CCDC171: variants seen among roughly 807,000 people sequenced by gnomAD.
The protein encoded by CCDC171 is coiled-coil domain-containing protein 171.
Under a neutral mutation model 168.2 loss-of-function variants are expected in CCDC171, and 177 were observed. The observed-to-expected ratio is 1.05, with a 90% CI of 0.93 to 1.19. CCDC171 has a LOEUF of 1.19. CCDC171 is among the 50% of genes most tolerant of loss of function. The pLI is 0.00. For synonymous variants in CCDC171, 687 were observed against 540.8 expected, an observed-to-expected ratio of 1.27 and a Z score of -3.75; for missense variants, 1,991 against 1,539.0, an observed-to-expected ratio of 1.29 and a Z score of -4.91.
rs567242123 is a variant in CCDC171, at chr9:16,054,601, T to TAG, written n.90-6042_90-6041dup. 4.4e-4 allele frequency among the ~76,000 whole-genome samples: 67 copies of TAG among 152,324 alleles called. 3 individuals carry two copies. The East Asian group carries it at 0.013, about 29-fold the overall frequency. The stretch of plus-strand genomic sequence containing the variant: ...TGACAGGCCTCCTACCTGTCTGGAA[T>TAG]AGAGCCAGGGGGAGGACTTAACATG... On this transcript the variant is annotated intron_variant and non_coding_transcript_variant, in intron 1 of 1. Coordinates refer to the CCDC171 transcript ENST00000478913.
chr9:15,930,966 A>G (rs1207167458), intron 25 of CCDC171, among the ~76,000 whole-genome samples: 1 of 151,632 alleles, frequency 6.6e-6, no homozygotes, highest in East Asian at 1.9e-4. Context: ...TGTGGTGAGA[A>G]CATTCAAAGC....
downstream of CCDC171, among the ~76,000 whole-genome samples, chr9:15,978,308 A>G (rs1831683501): frequency 1.3e-5 from 2 of 152,208 alleles, no homozygotes; most frequent in East Asian, 1.9e-4. Context: ...CACAGTCACA[A>G]TTAAAAGTGC....
chr9:16,011,364 A>G (rs1832863474), intron 3 of CCDC171, among the ~76,000 whole-genome samples: 2 of 152,322 alleles, frequency 1.3e-5, no homozygotes, highest in South Asian at 4.1e-4. Context: ...GCTGGAATGA[A>G]AGATGCAATC....
At chr9:15,996,087 A>C (rs992583572) in intron 3 of CCDC171, among the ~76,000 whole-genome samples, 1 of 152,190 alleles carries the variant, frequency 6.6e-6, no homozygotes, top group Non-Finnish European at 1.5e-5. Flanking sequence ...AGTTTCTCCA[A>C]CAATTGACTT....
At chr9:15,912,413 T>C (rs191333376) in intron 24 of CCDC171, among the ~76,000 whole-genome samples, 1 of 152,346 alleles carries the variant, frequency 6.6e-6, no homozygotes, top group East Asian at 1.9e-4. Flanking sequence ...CCAGAGACTT[T>C]GCTAAAGTTG....
intron 10 of CCDC171, among the ~76,000 whole-genome samples, chr9:15,685,504 G>T (rs895353872): frequency 6.6e-6 from 1 of 152,006 alleles, no homozygotes; most frequent in Non-Finnish European, 1.5e-5. Flanking sequence ...GCGTGGTGAC[G>T]TGTGCCTGTA....
intron 23 of CCDC171, 135 bp downstream of exon 23, chr9:15,849,082 T>G: frequency 1.9e-6 from 1 of 516,400 alleles, no homozygotes; most frequent in Non-Finnish European, 3.4e-6. Flanking sequence ...TGTAGATGAC[T>G]GGAAATTTCC....
chr9:15,854,250 T>G (rs1035919433), intron 23 of CCDC171, among the ~76,000 whole-genome samples: 10 of 151,428 alleles, frequency 6.6e-5, no homozygotes, highest in African/African-American at 2.4e-4. Flanking sequence ...TATCTGGAAG[T>G]TTTTTGATAC....
At chr9:15,873,959 C>A (rs568824455) in intron 23 of CCDC171, among the ~76,000 whole-genome samples, 2 of 152,152 alleles carry the variant, frequency 1.3e-5, no homozygotes, top group African/African-American at 4.8e-5. Context: ...CATTAAGACT[C>A]AAGTTTAATA....
the CCDC171 span, among the ~76,000 whole-genome samples, chr9:16,091,756 C>T: frequency 6.6e-6 from 1 of 152,164 alleles, no homozygotes; most frequent in Non-Finnish European, 1.5e-5. Flanking sequence ...GGTAGAGTAC[C>T]TTGGATGCAT....
chr9:15,805,298 T>G lies in CCDC171; in HGVS notation c.3267+20604T>G, dbSNP rs576745159. On this transcript the variant is annotated intron_variant, in intron 21 of 25. Transcript: ENST00000380701. The stretch of plus-strand genomic sequence containing the variant: ...GTCTTTTGCTAGCTTTGGGGTTTGT[T>G]TACTCTTGGTTCTCAAGTCCTTTTA... Among the ~76,000 whole-genome samples the G allele has an allele frequency of 3.9e-4, 60 of 152,268 alleles. No individual in the cohort carries two copies. The South Asian group carries it at 0.012, about 31-fold the overall frequency.
At chr9:15,853,370 A>AT (rs1349769280) in intron 23 of CCDC171, among the ~76,000 whole-genome samples, 3 of 151,504 alleles carry the variant, frequency 2.0e-5, no homozygotes, top group African/African-American at 7.3e-5. Flanking sequence ...CTTAAGTCTA[A>AT]TTTTTTATTC....
chr9:15,689,939 A>T (rs554983459), intron 10 of CCDC171, among the ~76,000 whole-genome samples: 2 of 152,210 alleles, frequency 1.3e-5, no homozygotes, highest in Non-Finnish European at 2.9e-5. Context: ...TGTTAAGTCA[A>T]TTCAGTGGGG....
At chr9:16,083,295 A>G in the CCDC171 span, among the ~76,000 whole-genome samples, 1 of 152,266 alleles carries the variant, frequency 6.6e-6, no homozygotes, top group African/African-American at 2.4e-5. Context: ...TAGTTGAACC[A>G]CACAACTCAG....
At chr9:16,002,445 A>T (rs957552311) in intron 3 of CCDC171, among the ~76,000 whole-genome samples, 1 of 152,060 alleles carries the variant, frequency 6.6e-6, no homozygotes, top group Non-Finnish European at 1.5e-5. Context: ...ATAGAAAAAA[A>T]CTTACAGAAT....
intron 11 of CCDC171, among the ~76,000 whole-genome samples, chr9:15,718,555 A>T (rs2053242731): frequency 6.6e-6 from 1 of 152,218 alleles, no homozygotes; most frequent in South Asian, 2.1e-4. Flanking sequence ...GGTTTGACCT[A>T]GTGCAGTCCT....
At chr9:15,848,271 A>G (rs1000682665) in intron 22 of CCDC171, among the ~76,000 whole-genome samples, 2 of 151,960 alleles carry the variant, frequency 1.3e-5, no homozygotes, top group Admixed American at 6.6e-5. Flanking sequence ...TTAAATTTCA[A>G]TTTACAATTA....
chr9:15,924,332 C>T (rs922509351), intron 25 of CCDC171, among the ~76,000 whole-genome samples: 2 of 150,926 alleles, frequency 1.3e-5, no homozygotes, highest in Non-Finnish European at 3.0e-5. Flanking sequence ...GCTTGCATGT[C>T]AGGGCTTTCA....
the CCDC171 span, among the ~76,000 whole-genome samples, chr9:16,103,999 C>T: frequency 2.0e-5 from 3 of 152,192 alleles, no homozygotes; most frequent in African/African-American, 7.2e-5. Context: ...TGGTGGGTCT[C>T]CTAAGGTTTC....
Sources: allele counts gnomAD v4.1 joint callset (sites outside exome capture counted in the v4.1 genomes callset), GRCh38; gene constraint gnomAD v4.1.1; transcripts MANE v1.5; gene names NCBI Gene and HGNC (gene_info 2026-07-23, HGNC 2026-07-21).